Variants in GNB1L observed in about 807,000 individuals in gnomAD.
GNB1L encodes the protein guanine nucleotide-binding protein subunit beta-like protein 1.
GNB1L carries 20 observed loss-of-function variants against 29.1 expected under a neutral mutation model. That is an observed-to-expected ratio of 0.69 (90% confidence interval 0.48 to 1.00). The LOEUF is 1.00. GNB1L is among the 50% of genes least tolerant of loss of function. The pLI, the probability that GNB1L is intolerant of heterozygous loss-of-function variation, is 0.00. For synonymous variants in GNB1L, 193 were observed against 206.5 expected (o/e 0.93, Z 0.56); for missense variants, 421 against 464.9 (o/e 0.91, Z 0.87).
At chr22:19,817,013 G>A (rs762718561) in intron 4 of GNB1L, among the ~76,000 whole-genome samples, 10 of 152,344 alleles carry the variant, frequency 6.6e-5, no homozygotes, top group Admixed American at 1.3e-4. Flanking sequence ...GCACACCGTA[G>A]TGAATTCCAG....
chr22:19,843,290 C>T (rs929812459), intron 2 of GNB1L, among the ~76,000 whole-genome samples: 4 of 152,262 alleles, frequency 2.6e-5, no homozygotes, highest in Admixed American at 2.0e-4. Flanking sequence ...CCCCGACTGG[C>T]GACCTTCGAT....
In GNB1L at chr22:19,801,996, C is replaced by T. The variant is rs1413606960; in HGVS notation, c.732+5G>A. On this transcript the variant is annotated splice_donor_5th_base_variant and intron_variant, in intron 7 of 7. Transcript: ENST00000329517. ...TAAATGAGACCCGGGGCCTGGCGCA[C>T]TGACCTGCAGGGCCTGCTGCCAGTC... 1.3e-6 allele frequency: 2 copies of T among 1,575,478 alleles called. No individual in the cohort carries two copies. Among genetic ancestry groups the T allele is most frequent in the Non-Finnish European group, 1.7e-6 (2 of 1,161,224 alleles).
chr22:19,791,921 C>T lies in GNB1L; in HGVS notation c.733-2961G>A, dbSNP rs187019688. Among the ~76,000 whole-genome samples, 278 of 152,298 alleles carry T rather than the reference C, an allele frequency of 1.8e-3. 3 individuals are homozygous for T. Among genetic ancestry groups the T allele is most frequent in the Non-Finnish European group, 2.7e-3 (186 of 68,030 alleles). ...AGAGGCAGAGTTTGGAAGTTGAGGT[C>T]CACCCCACTAAACAAGCCTGGGAAT... On this transcript the variant is annotated intron_variant, in intron 7 of 7. Coordinates refer to ENST00000329517, the MANE Select transcript of GNB1L (RefSeq NM_053004.3).
At chr22:19,798,357 C>T (rs1937330992) in intron 7 of GNB1L, among the ~76,000 whole-genome samples, 1 of 152,228 alleles carries the variant, frequency 6.6e-6, no homozygotes, top group Admixed American at 6.5e-5. Flanking sequence ...GATTTGATGC[C>T]ATCGTCACCC....
Position 19,788,841 on chromosome 22 carries a change from C to T in GNB1L, c.852G>A (p.Thr284=), listed in dbSNP as rs775791793. Residue 284 remains threonine, a synonymous_variant, in exon 8 of 8, where the codon ACG becomes ACA. Transcript: ENST00000329517. ...DHRIRVFHWR[T]MQPLAVLAFH... Reference sequence around the variant, plus strand: ...AGGCCAGCACGGCCAGTGGCTGCATCGTCCGCCAGTGGAACACGCGGATGC... The same window carrying T: ...AGGCCAGCACGGCCAGTGGCTGCATTGTCCGCCAGTGGAACACGCGGATGC... The T allele has an allele frequency of 7.6e-5, 122 of 1,612,506 alleles. No homozygotes were observed. Among genetic ancestry groups the T allele is most frequent in the Non-Finnish European group, 1.0e-4 (119 of 1,179,896 alleles).
intron 2 of GNB1L, chr22:19,851,819 C>T (rs1426102985): frequency 6.2e-7 from 1 of 1,613,934 alleles, no homozygotes; most frequent in East Asian, 2.2e-5. Flanking sequence ...CTGGGCTCGG[C>T]CTGTTAGGCG....
chr22:19,836,966 A>G (rs1937774148), intron 2 of GNB1L, among the ~76,000 whole-genome samples: 1 of 151,092 alleles, frequency 6.6e-6, no homozygotes, highest in Non-Finnish European at 1.5e-5. Context: ...TCTTGAAAAG[A>G]GATTTTTTTT....
chr22:19,852,477 C>T (rs1601359732), intron 2 of GNB1L: 4 of 582,012 alleles, frequency 6.9e-6, no homozygotes, highest in Non-Finnish European at 1.2e-5. Context: ...AGGCCATCAT[C>T]CGAGGCAATC....
chr22:19,806,331 G>A (rs998656889), intron 6 of GNB1L, among the ~76,000 whole-genome samples: 3 of 152,234 alleles, frequency 2.0e-5, no homozygotes, highest in Admixed American at 6.5e-5. Flanking sequence ...GTACTGAGGC[G>A]CTGGCAGACC....
intron 4 of GNB1L, among the ~76,000 whole-genome samples, chr22:19,817,688 C>T (rs571997004): frequency 5.8e-4 from 88 of 152,124 alleles, no homozygotes; most frequent in African/African-American, 2.0e-3. Flanking sequence ...AAAAATGAGG[C>T]GTGAGGGGCT....
rs73877352 is a variant in GNB1L at position 19,810,864 on chromosome 22, C to T, written c.417+1421G>A. Among the ~76,000 whole-genome samples the T allele has an allele frequency of 5.4e-3, 823 of 152,334 alleles. 6 individuals are homozygous for T. Among genetic ancestry groups the T allele is most frequent in the African/African-American group, 0.019 (789 of 41,568 alleles). On this transcript the variant is annotated intron_variant, in intron 5 of 7. Transcript: ENST00000329517. ...CTGCCCCGGGAAAAGACAGATGCTG[C>T]CCCACAGGGAGAGCTGAAAGCTAGG...
intron 7 of GNB1L, among the ~76,000 whole-genome samples, chr22:19,801,115 G>T (rs1345416097): frequency 6.6e-6 from 1 of 152,212 alleles, no homozygotes; most frequent in Non-Finnish European, 1.5e-5. Context: ...GCTGGGAGCT[G>T]TTGCTGCTTC....
intron 6 of GNB1L, among the ~76,000 whole-genome samples, chr22:19,805,191 C>T (rs539102982): frequency 6.6e-4 from 101 of 152,362 alleles, no homozygotes; most frequent in South Asian, 2.7e-3. Context: ...AGCAGCACTA[C>T]AGGATCAGTC....
Position 19,815,260 on chromosome 22 carries a change from C to T in GNB1L, c.255-2813G>A, listed in dbSNP as rs897345518. 6.6e-5 allele frequency among the ~76,000 whole-genome samples: 10 copies of T among 152,298 alleles called. 1 individual carries two copies. Among genetic ancestry groups the T allele is most frequent in the African/African-American group, 1.9e-4 (8 of 41,550 alleles). On this transcript the variant is annotated intron_variant, in intron 4 of 7. Transcript: ENST00000329517. ...TGTGCAGTTGCGGTTGTGGTGCCCA[C>T]GCCACAGAGAATTCAGCACCACAAA...
chr22:19,841,771 T>C (rs921253945), intron 2 of GNB1L, among the ~76,000 whole-genome samples: 1 of 152,202 alleles, frequency 6.6e-6, no homozygotes, highest in Non-Finnish European at 1.5e-5. Context: ...AGTTATTCGG[T>C]TAAGCAAATG....
intron 6 of GNB1L, among the ~76,000 whole-genome samples, chr22:19,802,454 C>T (rs1449695103): frequency 1.3e-5 from 2 of 152,228 alleles, no homozygotes; most frequent in Non-Finnish European, 2.9e-5. Context: ...ACCCCAAGGA[C>T]ATAGGGGTGG....
intron 2 of GNB1L, among the ~76,000 whole-genome samples, chr22:19,837,363 T>C (rs1370780620): frequency 6.6e-6 from 1 of 152,198 alleles, no homozygotes; most frequent in Non-Finnish European, 1.5e-5. Context: ...ATACCAAATA[T>C]ATAATTTTCA....
chr22:19,812,998 A>G (rs1445559583), intron 4 of GNB1L, among the ~76,000 whole-genome samples: 2 of 152,254 alleles, frequency 1.3e-5, no homozygotes, highest in African/African-American at 4.8e-5. Context: ...TACACCTGGT[A>G]GAACAGATGA....
rs1937200835 is a variant in GNB1L, at chr22:19,787,364, C to A, written c.*1345G>T. On this transcript the variant is annotated 3_prime_UTR_variant, in exon 8 of 8. Transcript: ENST00000329517. Reference sequence around the variant, plus strand: ...CCTTCCTGGCCCCAAGCTGCAGCGCCCAGTCCAGCCCTCCGTTTGGCAGGT... The same window carrying A: ...CCTTCCTGGCCCCAAGCTGCAGCGCACAGTCCAGCCCTCCGTTTGGCAGGT... The A allele has an allele frequency of 6.5e-6, 1 of 152,740 alleles. No homozygotes were observed. 9.5% of individuals were successfully genotyped at this position (152,740 alleles called of 1,614,324 possible). A position where few individuals can be genotyped will look rare whatever the true frequency, so the allele number is the denominator to read the frequency against.
Sources: gnomAD v4.1 joint callset for allele counts (sites outside exome capture counted in the v4.1 genomes callset) on GRCh38, gnomAD v4.1.1 for gene constraint, MANE v1.5 for transcripts, NCBI Gene and HGNC (gene_info 2026-07-23, HGNC 2026-07-21) for gene names.